Variants in EPHB2 observed in about 807,000 individuals in gnomAD.
EPHB2 encodes EPH receptor B2, also known as ephrin type-B receptor 2.
A neutral mutation model predicts 96.4 loss-of-function variants in EPHB2; 18 were observed. The observed-to-expected ratio is 0.19, with a 90% CI of 0.13 to 0.28. The LOEUF (loss-of-function observed/expected upper bound fraction) is 0.28, where lower values mean the gene tolerates loss of function less well. EPHB2 is among the 10% of genes least tolerant of loss of function. EPHB2 has a pLI of 1.00. For missense variants in EPHB2, 989 were observed against 1,355.4 expected (o/e 0.73, Z 4.25); for synonymous variants, 506 against 534.1 (o/e 0.95, Z 0.72).
intron 6 of EPHB2, 121 bp downstream of exon 6, chr1:22,882,604 C>G: frequency 6.6e-7 from 1 of 1,513,074 alleles, no homozygotes; most frequent in Non-Finnish European, 9.0e-7. Context: ...AGAAAGAGCA[C>G]TGGCCTTGGA....
chr1:22,838,173 T>C (rs1645412314), intron 3 of EPHB2, among the ~76,000 whole-genome samples: 1 of 152,182 alleles, frequency 6.6e-6, no homozygotes, highest in Non-Finnish European at 1.5e-5. Context: ...TCCCATGCCC[T>C]CTCTGGACAT....
At chr1:22,893,219 G>T (rs1639449953) in intron 7 of EPHB2, among the ~76,000 whole-genome samples, 173 bp downstream of exon 7, 1 of 152,090 alleles carries the variant, frequency 6.6e-6, no homozygotes, top group South Asian at 2.1e-4. Context: ...ATATATAAAA[G>T]CCCTGTTTCT....
At chr1:22,842,193 A>G (rs4233296) in intron 3 of EPHB2, among the ~76,000 whole-genome samples, 150,903 of 152,074 alleles carry the variant, frequency 0.99, 74,881 homozygotes, top group East Asian at 1. Flanking sequence ...CCAGCCCCCC[A>G]GGCACCTGTC....
At chr1:22,730,977 T>C (rs1307223381) in intron 1 of EPHB2, among the ~76,000 whole-genome samples, 1 of 150,680 alleles carries the variant, frequency 6.6e-6, no homozygotes, top group African/African-American at 2.4e-5. Flanking sequence ...TGGTGGGGAG[T>C]TGTCAGTAAG....
chr1:22,807,512 T>A (rs1455451628), intron 3 of EPHB2, among the ~76,000 whole-genome samples: 1 of 152,120 alleles, frequency 6.6e-6, no homozygotes, highest in Non-Finnish European at 1.5e-5. Context: ...GAGCCCAGCC[T>A]CCTAGAAGTC....
rs1047245200 is a variant in EPHB2, at chr1:22,729,758, G to A, written c.61+18715G>A. ...ATCATAATTTTAAAATAATTAATGTGTTTCTTTGAACATCTCTACCTCTCC... is the reference window on the plus strand; with the variant it reads ...ATCATAATTTTAAAATAATTAATGTATTTCTTTGAACATCTCTACCTCTCC... On this transcript the variant is annotated intron_variant, in intron 1 of 15. Coordinates refer to ENST00000374630, the MANE Select transcript of EPHB2 (RefSeq NM_017449.5). 7.2e-5 allele frequency among the ~76,000 whole-genome samples: 11 copies of A among 152,322 alleles called. No individual in the cohort carries two copies. The South Asian group carries it at 1.5e-3, about 20-fold the overall frequency.
intron 1 of EPHB2, among the ~76,000 whole-genome samples, chr1:22,760,408 C>T (rs1644218831): frequency 6.6e-6 from 1 of 152,206 alleles, no homozygotes; most frequent in South Asian, 2.1e-4. Flanking sequence ...ACAGGGACAA[C>T]TCTGTCCCCT....
intron 6 of EPHB2, among the ~76,000 whole-genome samples, chr1:22,884,619 CAAA>C (rs10599403): frequency 0.011 from 969 of 87,332 alleles, 10 homozygotes; most frequent in African/African-American, 0.032. Context: ...GATGCTGTCT[CAAA>C]AAAAAAAAAA....
chr1:22,838,530 G>C (rs1645417248), intron 3 of EPHB2, among the ~76,000 whole-genome samples: 1 of 152,110 alleles, frequency 6.6e-6, no homozygotes, highest in Admixed American at 6.5e-5. Context: ...GACCAAGTAA[G>C]ATTATTCATC....
At chr1:22,822,021 A>G (rs1645159117) in intron 3 of EPHB2, among the ~76,000 whole-genome samples, 1 of 152,236 alleles carries the variant, frequency 6.6e-6, no homozygotes, top group South Asian at 2.1e-4. Flanking sequence ...GGAAAGAATA[A>G]TCTTTATTAG....
rs958952491 is a variant in EPHB2 at position 22,773,433 on chromosome 1, G to A, written c.62-7988G>A. Reference sequence around the variant, plus strand: ...AGACAGGGTGCAACAGGAACCGCTGGGAAGAGCCTGGGCTGGCATCTGCTG... The same window carrying A: ...AGACAGGGTGCAACAGGAACCGCTGAGAAGAGCCTGGGCTGGCATCTGCTG... On this transcript the variant is annotated intron_variant, in intron 1 of 15. Coordinates refer to ENST00000374630, the MANE Select transcript of EPHB2 (RefSeq NM_017449.5). Among the ~76,000 whole-genome samples the A allele has an allele frequency of 4.6e-5, 7 of 152,310 alleles. No individual in the cohort carries two copies. In the South Asian group the frequency reaches 1.0e-3, roughly 23 times the overall value.
At chr1:22,732,271 C>G (rs1330200300) in intron 1 of EPHB2, among the ~76,000 whole-genome samples, 1 of 151,548 alleles carries the variant, frequency 6.6e-6, no homozygotes, top group Non-Finnish European at 1.5e-5. Context: ...TGTGGGCCAA[C>G]TGGCTCCCAG....
chr1:22,754,888 C>T (rs76420372), intron 1 of EPHB2, among the ~76,000 whole-genome samples: 170 of 5,678 alleles, frequency 0.03, no homozygotes, highest in South Asian at 0.1. Context: ...TGAGGTGAGG[C>T]GAGGGGCAGA....
chr1:22,853,069 G>T (rs1054533700), intron 3 of EPHB2, among the ~76,000 whole-genome samples: 1 of 152,216 alleles, frequency 6.6e-6, no homozygotes, highest in South Asian at 2.1e-4. Flanking sequence ...TCCGCCTTTC[G>T]GCCGGGCACG....
rs72870179 is a variant in EPHB2, at chr1:22,842,227, C to T, written c.812-20810C>T. Among the ~76,000 whole-genome samples, 679 of 152,202 alleles carry T rather than the reference C, an allele frequency of 4.5e-3. 5 individuals are homozygous for T. The highest frequency in any genetic ancestry group is 0.015 in the African/African-American group (634 of 41,524). On this transcript the variant is annotated intron_variant, in intron 3 of 15. Transcript: ENST00000374630. ...TCCCAGAAGTCTAATTACTAGCTCT[C>T]GATGGGCAGCCAGCTCACTGATTGC...
At chr1:22,781,275 A>C (rs1644527101) in intron 1 of EPHB2, 146 bp from the exon 2 acceptor site, 23 of 751,310 alleles carry the variant, frequency 3.1e-5, no homozygotes, top group Non-Finnish European at 4.1e-5. Context: ...AGCCGAGATC[A>C]CACCACTGCA....
intron 9 of EPHB2, among the ~76,000 whole-genome samples, chr1:22,903,683 TA>T (rs1390958009): frequency 6.6e-6 from 1 of 152,196 alleles, no homozygotes; most frequent in Non-Finnish European, 1.5e-5. Context: ...CTAAGGCATA[TA>T]AAGAGCCTGG....
At chr1:22,783,384 G>C (rs1319522984) in intron 2 of EPHB2, among the ~76,000 whole-genome samples, 1 of 152,204 alleles carries the variant, frequency 6.6e-6, no homozygotes, top group African/African-American at 2.4e-5. Flanking sequence ...CACCAAAGGG[G>C]GCACGGGAGA....
intron 14 of EPHB2, among the ~76,000 whole-genome samples, chr1:22,911,632 G>T (rs770557042): frequency 6.6e-6 from 1 of 152,132 alleles, no homozygotes; most frequent in African/African-American, 2.4e-5. Flanking sequence ...GGCTGTCACA[G>T]GTCACACTGC....
Sources: gnomAD v4.1 joint callset for allele counts (sites outside exome capture counted in the v4.1 genomes callset) on GRCh38, gnomAD v4.1.1 for gene constraint, MANE v1.5 for transcripts, NCBI Gene and HGNC (gene_info 2026-07-23, HGNC 2026-07-21) for gene names.